Variants in MEIS1 observed in about 807,000 individuals in gnomAD.
MEIS1 encodes Meis homeobox 1.
In MEIS1, 5 loss-of-function variants were observed where a neutral mutation model predicts 50.8. The ratio of observed to expected loss-of-function variants is 0.10; its 90% CI spans 0.05 to 0.21. The LOEUF is 0.21. Ranked by LOEUF, MEIS1 falls within the 10% of genes least tolerant of loss-of-function variation. The pLI is 1.00. For missense variants in MEIS1, 318 were observed against 517.3 expected (o/e 0.61, Z 3.74); for synonymous variants, 176 against 179.3 (o/e 0.98, Z 0.15).
chr2:66,438,290 C>T (rs1671851783), intron 2 of MEIS1, among the ~76,000 whole-genome samples: 2 of 152,256 alleles, frequency 1.3e-5, no homozygotes, highest in South Asian at 2.1e-4. Flanking sequence ...CGATTTCGCC[C>T]GAGAGCGTTA....
intron 7 of MEIS1, among the ~76,000 whole-genome samples, chr2:66,496,476 C>T (rs1008779611): frequency 2.6e-5 from 4 of 152,082 alleles, no homozygotes; most frequent in Non-Finnish European, 5.9e-5. Context: ...ATAGTGTGCA[C>T]GGGGGTCTCA....
At chr2:66,474,747 C>T (rs1365395161) in intron 7 of MEIS1, among the ~76,000 whole-genome samples, 2 of 152,304 alleles carry the variant, frequency 1.3e-5, no homozygotes, top group Admixed American at 1.3e-4. Flanking sequence ...ATTAGTTTGG[C>T]TTTCTCCCTC....
intron 7 of MEIS1, among the ~76,000 whole-genome samples, chr2:66,496,651 G>A (rs1673412554): frequency 6.6e-6 from 1 of 152,182 alleles, no homozygotes; most frequent in Admixed American, 6.5e-5. Context: ...CTACTTGTAG[G>A]CTCTGAAAGC....
chr2:66,496,149 G>A (rs1376952355), intron 7 of MEIS1: 5 of 152,268 alleles, frequency 3.3e-5, no homozygotes, highest in Admixed American at 6.5e-5. Flanking sequence ...AGCAGAGAAG[G>A]AAGTAATTCC....
At chr2:66,476,350 G>A (rs1672891490) in intron 7 of MEIS1, among the ~76,000 whole-genome samples, 1 of 152,118 alleles carries the variant, frequency 6.6e-6, no homozygotes, top group Non-Finnish European at 1.5e-5. Flanking sequence ...ACAAATAAAA[G>A]TATTGCTTGA....
chr2:66,531,440 GAAAT>G (rs1322702112), intron 8 of MEIS1, among the ~76,000 whole-genome samples: 2 of 152,108 alleles, frequency 1.3e-5, no homozygotes, highest in Admixed American at 6.5e-5. Context: ...GCTAAGTAGC[GAAAT>G]AAATAAAGGG....
intron 7 of MEIS1, among the ~76,000 whole-genome samples, chr2:66,494,252 A>G (rs1054279442): frequency 1.3e-5 from 2 of 152,240 alleles, no homozygotes; most frequent in Non-Finnish European, 2.9e-5. Flanking sequence ...GCAAACCTCT[A>G]GAATGCAAGA....
In MEIS1 at chr2:66,571,614, A is replaced by AT. The variant is rs1252811546; in HGVS notation, c.*407dup. 5 of 1,491,620 alleles carry AT rather than the reference A, an allele frequency of 3.4e-6. No individual in the cohort carries two copies. Among genetic ancestry groups the AT allele is most frequent in the Non-Finnish European group, 4.6e-6 (5 of 1,096,708 alleles). The allele number at this position is 1,491,620 out of a possible 1,614,324, so 92.4% of individuals were successfully genotyped here. ...ATGACTGTGGAGTTCCATTCTTGGC[A>AT]TCTACTCTGGACCAAGGAGCATCCC... On this transcript the variant is annotated 3_prime_UTR_variant, in exon 13 of 13. Coordinates refer to ENST00000272369, the MANE Select transcript of MEIS1 (RefSeq NM_002398.3).
chr2:66,561,998 G>A (rs1420930345), intron 9 of MEIS1: 2 of 130,652 alleles, frequency 1.5e-5, no homozygotes, highest in East Asian at 5.2e-4. Context: ...AGAACTAATT[G>A]AGTAAAGGTG....
At position 66,440,575 on chromosome 2, in the gene MEIS1, A is replaced by C; in HGVS notation, c.395A>C (p.Lys132Thr). Residue 132 changes from lysine to threonine, a missense_variant, in exon 4 of 13, where the codon AAA (lysine) becomes ACA (threonine). Physicochemically the swap from Lys to Thr is moderately conservative, Grantham distance 78 (BLOSUM62 -1). Around this residue, in one of 6 missense-constraint regions of MEIS1, gnomAD observed 75 missense variants for 153.7 expected, o/e 0.49. Coordinates refer to ENST00000272369, the MANE Select transcript of MEIS1 (RefSeq NM_002398.3). ...ACTTGTATTTAGATTCGCGCAGAAAAACCTCTATTTTCTTCTAATCCAGAA... is the reference window on the plus strand; with the variant it reads ...ACTTGTATTTAGATTCGCGCAGAAACACCTCTATTTTCTTCTAATCCAGAA... ...AVFAKQIRAE[K>T]PLFSSNPELD... The C allele has an allele frequency of 6.2e-7, 1 of 1,612,850 alleles. No individual in the cohort carries two copies. Among genetic ancestry groups the C allele is most frequent in the Non-Finnish European group, 8.5e-7 (1 of 1,179,534 alleles).
At position 66,520,002 on chromosome 2, in the gene MEIS1, C is replaced by G. The variant is rs556738901; in HGVS notation, c.888+7708C>G. Among the ~76,000 whole-genome samples, 4 of 152,186 alleles carry G rather than the reference C, an allele frequency of 2.6e-5. No individual in the cohort carries two copies. The South Asian group carries it at 8.3e-4, about 32-fold the overall frequency. Reference sequence around the variant, plus strand: ...CATCCCTGCAGTACCCAAGTGCTGTCATTTGCCACGTGGCATAGATTACCC... The same window carrying G: ...CATCCCTGCAGTACCCAAGTGCTGTGATTTGCCACGTGGCATAGATTACCC... On this transcript the variant is annotated intron_variant, in intron 8 of 12. Transcript: ENST00000272369.
chr2:66,467,368 AG>A (rs1426106360), intron 7 of MEIS1, among the ~76,000 whole-genome samples: 9 of 105,818 alleles, frequency 8.5e-5, no homozygotes, highest in African/African-American at 1.6e-4. Flanking sequence ...AGGCCGAGGT[AG>A]GGGGGGGTCA....
intron 10 of MEIS1, 61 bp downstream of exon 10, chr2:66,567,572 C>A (rs964510887): frequency 3.3e-6 from 5 of 1,522,064 alleles, no homozygotes; most frequent in African/African-American, 1.4e-5. Context: ...TCAAGCCATT[C>A]ACCGGGAGGT....
intron 7 of MEIS1, among the ~76,000 whole-genome samples, chr2:66,511,889 A>G (rs1042386393): frequency 1.3e-5 from 2 of 152,186 alleles, no homozygotes; most frequent in African/African-American, 2.4e-5. Context: ...CAAAGCCACA[A>G]GGGGATTGGA....
intron 8 of MEIS1, among the ~76,000 whole-genome samples, chr2:66,544,223 A>G (rs1674732551): frequency 6.6e-6 from 1 of 152,006 alleles, no homozygotes; most frequent in African/African-American, 2.4e-5. Context: ...TTTTTTTTTC[A>G]GCAGCCATGC....
At chr2:66,555,861 G>C (rs541545679) in intron 9 of MEIS1, among the ~76,000 whole-genome samples, 1 of 152,298 alleles carries the variant, frequency 6.6e-6, no homozygotes, top group South Asian at 2.1e-4. Context: ...CCTCCTGGTT[G>C]AATAGAACAG....
intron 9 of MEIS1, chr2:66,562,038 ATTTTTTTTTTTTTTTTTT>A (rs60637070): frequency 3.3e-5 from 2 of 61,274 alleles, no homozygotes; most frequent in East Asian, 6.3e-4. Context: ...TGAGCAAGTA[ATTTTTTTTTTTTTTTTTT>A]TTTTTTTTTT....
At chr2:66,492,719 C>A (rs1458894597) in intron 7 of MEIS1, among the ~76,000 whole-genome samples, 2 of 152,178 alleles carry the variant, frequency 1.3e-5, no homozygotes, top group African/African-American at 4.8e-5. Flanking sequence ...CTGTTCCATT[C>A]TGATGCACAG....
intron 7 of MEIS1, among the ~76,000 whole-genome samples, chr2:66,474,412 G>T (rs1672841200): frequency 1.3e-5 from 2 of 152,154 alleles, no homozygotes; most frequent in South Asian, 4.1e-4. Context: ...TAGCAGCCAT[G>T]ATTCTACCTG....
Sources: allele counts gnomAD v4.1 joint callset (sites outside exome capture counted in the v4.1 genomes callset), GRCh38; gene constraint gnomAD v4.1.1; regional missense constraint gnomAD v4.1.1; transcripts MANE v1.5; gene names NCBI Gene and HGNC (gene_info 2026-07-23, HGNC 2026-07-21).